HSP90B1: variants seen among roughly 807,000 people sequenced by gnomAD.
HSP90B1 encodes the protein endoplasmin.
A neutral mutation model predicts 100.4 loss-of-function variants in HSP90B1; 27 were observed. That is an observed-to-expected ratio of 0.27 (90% CI 0.20 to 0.37). HSP90B1 has a LOEUF of 0.37. HSP90B1 is among the 10% of genes least tolerant of loss of function. The pLI, the probability that HSP90B1 is intolerant of heterozygous loss-of-function variation, is 1.00. For missense variants in HSP90B1, 678 were observed against 960.5 expected (o/e 0.71, Z 3.89); for synonymous variants, 304 against 330.8 (o/e 0.92, Z 0.88).
chr12:103,938,585 G>A, intron 7 of HSP90B1, 126 bp downstream of exon 7: 1 of 1,043,540 alleles, frequency 9.6e-7, no homozygotes, highest in Middle Eastern at 2.2e-4. Flanking sequence ...CATGGAGCCA[G>A]CTTTTAAAAT....
At position 103,946,963 on chromosome 12, in the gene HSP90B1, G is replaced by A. The variant is rs10219726; in HGVS notation, c.2262+22G>A. On this transcript the variant is annotated intron_variant, in intron 16 of 17. Transcript: ENST00000299767. ...AAAGGTTTGTATCCCCAACCTTCCCGCAAAGGCTGGCTGGCTTTCTTTGTT... is the reference window on the plus strand; with the variant it reads ...AAAGGTTTGTATCCCCAACCTTCCCACAAAGGCTGGCTGGCTTTCTTTGTT... 1.1e-3 allele frequency: 1,835 copies of A among 1,599,924 alleles called. 24 individuals are homozygous for A. In the African/African-American group the frequency reaches 0.021, roughly 19 times the overall value.
At chr12:103,941,300 T>C in intron 8 of HSP90B1, 110 bp from the exon 9 acceptor site, 1 of 1,132,518 alleles carries the variant, frequency 8.8e-7, no homozygotes, top group Non-Finnish European at 1.2e-6. Context: ...AAGGAAAATT[T>C]TTTGTTAGTT....
At chr12:103,936,044 A>T (rs1233150078) in intron 5 of HSP90B1, among the ~76,000 whole-genome samples, 1 of 152,242 alleles carries the variant, frequency 6.6e-6, no homozygotes, top group Non-Finnish European at 1.5e-5. Context: ...CCCACTTCTT[A>T]AATGTTAACA....
At chr12:103,939,181 C>T (rs1313177319) in intron 7 of HSP90B1, among the ~76,000 whole-genome samples, 1 of 151,604 alleles carries the variant, frequency 6.6e-6, no homozygotes, top group African/African-American at 2.4e-5. Context: ...CTCCCTTCAT[C>T]CTTGAACTCC....
intron 5 of HSP90B1, among the ~76,000 whole-genome samples, chr12:103,936,368 G>A (rs1358663338): frequency 6.6e-6 from 1 of 152,206 alleles, no homozygotes; most frequent in Non-Finnish European, 1.5e-5. Flanking sequence ...CCAGCCAAGT[G>A]TGGTGGCTCA....
Position 103,943,214 on chromosome 12 carries a change from A to C in HSP90B1, c.1785A>C (p.Gly595=). 1 of 1,614,186 alleles carries C rather than the reference A, an allele frequency of 6.2e-7. No homozygotes were observed. Residue 595 remains glycine (G), a synonymous_variant, in exon 13 of 18, where the codon GGA becomes GGC. Transcript: ENST00000299767. The surrounding 1 kb of genome is among the most constrained non-coding windows in gnomAD (Gnocchi z 5.3). ...GKRFQNVAKE[G]VKFDESEKTK... Reference sequence around the variant, plus strand: ...GGTTCCAGAATGTTGCCAAGGAAGGAGTGAAGTTCGATGAAAGTGAGAAAA... The same window carrying C: ...GGTTCCAGAATGTTGCCAAGGAAGGCGTGAAGTTCGATGAAAGTGAGAAAA...
chr12:103,947,579 G>GT, intron 17 of HSP90B1, 54 bp from the exon 18 acceptor site: 13 of 1,546,660 alleles, frequency 8.4e-6, no homozygotes, highest in African/African-American at 2.8e-5. Context: ...TGTGAGCTAG[G>GT]TTTTTTTTCT....
chr12:103,947,539 C>A, intron 17 of HSP90B1, 94 bp from the exon 18 acceptor site: 1 of 1,582,978 alleles, frequency 6.3e-7, no homozygotes, highest in South Asian at 1.1e-5. Flanking sequence ...TCAGACTGAG[C>A]ATTTAAATTG....
chr12:103,932,792 T>C (rs757487037), intron 3 of HSP90B1, 34 bp from the exon 4 acceptor site: 6 of 1,052,538 alleles, frequency 5.7e-6, no homozygotes, highest in Non-Finnish European at 8.9e-6. Flanking sequence ...ATCTTGAGGA[T>C]AGTCTAAGTG....
intron 16 of HSP90B1, 101 bp downstream of exon 16, chr12:103,947,042 T>C (rs1870256538): frequency 6.9e-6 from 9 of 1,311,036 alleles, no homozygotes; most frequent in African/African-American, 1.5e-5. Context: ...TTTGCGACAT[T>C]TGCCTAATTT....
Position 103,947,308 on chromosome 12 carries a change from T to G in HSP90B1, c.2263-3T>G. On this transcript the variant is annotated splice_region_variant and splice_polypyrimidine_tract_variant and intron_variant, in intron 16 of 17. Coordinates refer to ENST00000299767, the MANE Select transcript of HSP90B1 (RefSeq NM_003299.3). The stretch of plus-strand genomic sequence containing the variant: ...TTAATGGGCCCATAAATGTTGTGTT[T>G]AGGTGGAAGAAGAGCCCGAAGAAGA... The G allele has an allele frequency of 6.3e-7, 1 of 1,591,102 alleles. No homozygotes were observed. Among genetic ancestry groups the G allele is most frequent in the Non-Finnish European group, 8.5e-7 (1 of 1,172,568 alleles).
rs899011364 is a variant in HSP90B1, at chr12:103,932,768, G to A, written c.295-58G>A. ...AAATAAATGGGTTTGGCATAAAATC[G>A]AATATCTTAATGCATCTTGAGGATA... On this transcript the variant is annotated intron_variant, in intron 3 of 17. Transcript: ENST00000299767. 9.9e-6 allele frequency: 9 copies of A among 907,484 alleles called. No individual in the cohort carries two copies. In the East Asian group the frequency reaches 1.2e-4, roughly 12 times the overall value. The allele number at this position is 907,484 out of a possible 1,614,324, so 56.2% of individuals were successfully genotyped here. A position where few individuals can be genotyped will look rare whatever the true frequency, so the allele number is the denominator to read the frequency against.
Position 103,943,721 on chromosome 12 carries a change from T to G in HSP90B1, c.1891-17T>G. 1 of 1,609,116 alleles carries G rather than the reference T, an allele frequency of 6.2e-7. No individual in the cohort carries two copies. Among genetic ancestry groups the G allele is most frequent in the Non-Finnish European group, 8.5e-7 (1 of 1,177,834 alleles). ...CCTGTTGATATTAATTTATATGACT[T>G]GATTTCTTTCCCTAAGATTGAAAAG... is the stretch of plus-strand genomic sequence containing the variant. On this transcript the variant is annotated splice_polypyrimidine_tract_variant and intron_variant, in intron 13 of 17. Coordinates refer to ENST00000299767, the MANE Select transcript of HSP90B1 (RefSeq NM_003299.3). This position sits in a 1 kb window ranked among gnomAD's most constrained non-coding sequence, Gnocchi z 5.3.
chr12:103,934,217 T>G lies in HSP90B1; in HGVS notation c.673T>G (p.Ser225Ala). ...CAACGATACCCAGCACATCTGGGAG[T>G]CTGACTCCAATGAATTTTCTGTAAT... ...HNNDTQHIWESDSNEFSVIAD... is the reference protein window; with the variant it reads ...HNNDTQHIWEADSNEFSVIAD... Residue 225 changes from serine to alanine, a missense_variant, in exon 5 of 18, where the codon TCT becomes GCT. Physicochemically the swap from Ser to Ala is moderately conservative, Grantham distance 99 (BLOSUM62 1). Around this residue, in one of 8 missense-constraint regions of HSP90B1, gnomAD observed 238 missense variants for 346.7 expected, o/e 0.69. Coordinates refer to ENST00000299767, the MANE Select transcript of HSP90B1 (RefSeq NM_003299.3). The G allele has an allele frequency of 6.2e-7, 1 of 1,614,224 alleles. No individual in the cohort carries two copies. The highest frequency in any genetic ancestry group is 8.5e-7 in the Non-Finnish European group (1 of 1,180,034).
intron 14 of HSP90B1, among the ~76,000 whole-genome samples, chr12:103,945,784 G>A (rs531801570): frequency 1.3e-5 from 2 of 152,184 alleles, no homozygotes; most frequent in South Asian, 2.1e-4. Context: ...CCACCTCCCC[G>A]TTAAAAGGGA....
chr12:103,943,966 A>C lies in HSP90B1; in HGVS notation c.2027+92A>C. 1 of 1,218,028 alleles carries C rather than the reference A, an allele frequency of 8.2e-7. No homozygotes were observed. The highest frequency in any genetic ancestry group is 1.5e-5 in the African/African-American group (1 of 65,780). The allele number at this position is 1,218,028 out of a possible 1,614,324, so 75.5% of individuals were successfully genotyped here. Reference sequence around the variant, plus strand: ...TACCAGCTTCAATACAAAGAGTAAAATTGCCTTAAATGTCTACCACTGTCT... The same window carrying C: ...TACCAGCTTCAATACAAAGAGTAAACTTGCCTTAAATGTCTACCACTGTCT... On this transcript the variant is annotated intron_variant, in intron 14 of 17. Coordinates refer to ENST00000299767, the MANE Select transcript of HSP90B1 (RefSeq NM_003299.3). This position sits in a 1 kb window ranked among gnomAD's most constrained non-coding sequence, Gnocchi z 5.3.
chr12:103,931,175 T>C (rs1869745300), intron 1 of HSP90B1, among the ~76,000 whole-genome samples: 2 of 152,228 alleles, frequency 1.3e-5, no homozygotes, highest in African/African-American at 4.8e-5. Flanking sequence ...GCCGAAGTTT[T>C]GGCTTGATCA....
chr12:103,932,377 A>G lies in HSP90B1; in HGVS notation c.253A>G (p.Met85Val). The change falls in exon 3 of 18, where the codon ATG becomes GTG. Residue 85 changes from methionine to valine, a missense_variant. This residue lies in a region of HSP90B1 where 238 missense variants were observed against 346.7 expected (regional missense o/e 0.69). Transcript: ENST00000299767. Reference sequence around the variant, plus strand: ...TGCCTTCCAAGCCGAAGTTAACAGAATGATGAAACTTATCATCAATTCATT... The same window carrying G: ...TGCCTTCCAAGCCGAAGTTAACAGAGTGATGAAACTTATCATCAATTCATT... Reference protein sequence around the residue: ...KFAFQAEVNRMMKLIINSLYK... With the variant: ...KFAFQAEVNRVMKLIINSLYK... 1 of 1,613,068 alleles carries G rather than the reference A, an allele frequency of 6.2e-7. No homozygotes were observed. The highest frequency in any genetic ancestry group is 8.5e-7 in the Non-Finnish European group (1 of 1,179,450).
At chr12:103,932,233 G>A (rs768555309) in intron 2 of HSP90B1, 44 bp from the exon 3 acceptor site, 3 of 1,552,848 alleles carry the variant, frequency 1.9e-6, no homozygotes, top group East Asian at 2.3e-5. Flanking sequence ...GTTTTGAAGG[G>A]AACTATGCCA....
Sources: allele counts gnomAD v4.1 joint callset (sites outside exome capture counted in the v4.1 genomes callset), GRCh38; gene constraint gnomAD v4.1.1; regional missense constraint gnomAD v4.1.1; non-coding constraint Gnocchi (gnomAD v3.1); transcripts MANE v1.5; gene names NCBI Gene and HGNC (gene_info 2026-07-23, HGNC 2026-07-21).